The following ABHD17C variants were observed in gnomAD, a reference collection of about 807,000 sequenced individuals.
ABHD17C encodes alpha/beta hydrolase domain-containing protein 17C.
A neutral mutation model predicts 27.9 loss-of-function variants in ABHD17C; 11 were observed. The observed-to-expected ratio is 0.39, with a 90% CI of 0.25 to 0.65. ABHD17C has a LOEUF of 0.65. ABHD17C is among the 30% of genes least tolerant of loss of function. The pLI is 0.45. For missense variants in ABHD17C, 280 were observed against 470.2 expected (o/e 0.60, Z 3.74); for synonymous variants, 233 against 209.1 (o/e 1.11, Z -0.98).
chr15:80,719,076 A>C (rs1222396308), intron 1 of ABHD17C, among the ~76,000 whole-genome samples: 1 of 152,260 alleles, frequency 6.6e-6, no homozygotes, highest in East Asian at 1.9e-4. Flanking sequence ...GAGAAGACTT[A>C]GTAATAAATG....
In ABHD17C at chr15:80,720,036, G is replaced by A. The variant is rs190836526; in HGVS notation, c.590+24017G>A. Among the ~76,000 whole-genome samples the A allele has an allele frequency of 3.1e-3, 476 of 152,312 alleles. 2 individuals are homozygous for A. Among genetic ancestry groups the A allele is most frequent in the African/African-American group, 0.011 (442 of 41,554 alleles). On this transcript the variant is annotated intron_variant, in intron 1 of 2. Transcript: ENST00000258884. ...GCTAGTCTTGAACTCCTGGGCTCAA[G>A]AAGCCCTCCCACCTTAGCCTCCCAA...
chr15:80,705,363 G>GTGTGTGTGTGTGTGTGTGTGTGTGTT, intron 1 of ABHD17C, among the ~76,000 whole-genome samples: 1 of 147,446 alleles, frequency 6.8e-6, no homozygotes, highest in Non-Finnish European at 1.5e-5. Flanking sequence ...GTGTGTGTGT[G>GTGTGTGTGTGTGTGTGTGTGTGTGTT]TGTGGTTAGG....
chr15:80,724,603 G>A (rs1185414253), intron 1 of ABHD17C, among the ~76,000 whole-genome samples: 1 of 152,114 alleles, frequency 6.6e-6, no homozygotes, highest in Non-Finnish European at 1.5e-5. Flanking sequence ...ATATAAAATA[G>A]AGCCACAAAT....
At chr15:80,719,232 A>G (rs528877384) in intron 1 of ABHD17C, among the ~76,000 whole-genome samples, 1 of 152,346 alleles carries the variant, frequency 6.6e-6, no homozygotes, top group African/African-American at 2.4e-5. Flanking sequence ...AACTTTAGAC[A>G]GTTATTTGTT....
At position 80,695,320 on chromosome 15, in the gene ABHD17C, C is replaced by T. The variant is rs1596055607; in HGVS notation, c.-110C>T. On this transcript the variant is annotated 5_prime_UTR_variant, in exon 1 of 3. Transcript: ENST00000258884. The surrounding 1 kb of genome is among the most constrained non-coding windows in gnomAD (Gnocchi z 4.3). ...TGCCGCCGGGCGGGCGGGCTGCAGC[C>T]GCCCTCCGCGCTCGCCTGCCAGCTC... 1 of 668,760 alleles carries T rather than the reference C, an allele frequency of 1.5e-6. No homozygotes were observed. Among genetic ancestry groups the T allele is most frequent in the Non-Finnish European group, 1.9e-6 (1 of 519,144 alleles). 41.4% of individuals were successfully genotyped at this position (668,760 alleles called of 1,614,324 possible).
Position 80,749,496 on chromosome 15 carries a change from A to G in ABHD17C, c.591-17A>G, listed in dbSNP as rs746235475. On this transcript the variant is annotated splice_polypyrimidine_tract_variant and intron_variant, in intron 1 of 2. Coordinates refer to ENST00000258884, the MANE Select transcript of ABHD17C (RefSeq NM_021214.2). Reference sequence around the variant, plus strand: ...TTCATACCTTAGCTAATGGCATACAACCTCTGATTTCTCCAGGTATGGCGT... The same window carrying G: ...TTCATACCTTAGCTAATGGCATACAGCCTCTGATTTCTCCAGGTATGGCGT... 1.3e-5 allele frequency: 21 copies of G among 1,611,494 alleles called. No individual in the cohort carries two copies. Among genetic ancestry groups the G allele is most frequent in the Non-Finnish European group, 1.6e-5 (19 of 1,178,220 alleles).
chr15:80,714,580 C>T (rs1894777974), intron 1 of ABHD17C, among the ~76,000 whole-genome samples: 1 of 152,162 alleles, frequency 6.6e-6, no homozygotes, highest in Non-Finnish European at 1.5e-5. Context: ...GGGGGGTGGA[C>T]ATCTAGAAAA....
Position 80,695,654 on chromosome 15 carries a change from G to C in ABHD17C, c.225G>C (p.Gln75His). 7.1e-7 allele frequency: 1 copy of C among 1,400,620 alleles called. No homozygotes were observed. Among genetic ancestry groups the C allele is most frequent in the Non-Finnish European group, 9.2e-7 (1 of 1,086,838 alleles). The allele number at this position is 1,400,620 out of a possible 1,614,324, so 86.8% of individuals were successfully genotyped here. Residue 75 changes from glutamine to histidine, a missense_variant, in exon 1 of 3, where the codon CAG becomes CAC. Physicochemically the swap from Gln to His is conservative, Grantham distance 24. Around this residue, in one of 2 missense-constraint regions of ABHD17C, gnomAD observed 206 missense variants for 394.7 expected, o/e 0.52. Coordinates refer to ENST00000258884, the MANE Select transcript of ABHD17C (RefSeq NM_021214.2). This position sits in a 1 kb window ranked among gnomAD's most constrained non-coding sequence, Gnocchi z 4.3. ...AAAAAQPAPQ[Q>H]PEEGAGAGPG... ...CCGCGGCCCAGCCGGCACCGCAGCA[G>C]CCCGAGGAGGGCGCGGGCGCGGGGC...
intron 1 of ABHD17C, among the ~76,000 whole-genome samples, chr15:80,725,002 G>C (rs1894952784): frequency 6.6e-6 from 1 of 152,166 alleles, no homozygotes; most frequent in East Asian, 1.9e-4. Context: ...AACCACTGTT[G>C]TTATGTTTTT....
In ABHD17C at chr15:80,696,147, C is replaced by T. The variant is rs1894492358; in HGVS notation, c.590+128C>T. The T allele has an allele frequency of 4.0e-6, 4 of 991,356 alleles. No individual in the cohort carries two copies. The East Asian group carries it at 1.1e-4, about 26-fold the overall frequency. 61.4% of individuals were successfully genotyped at this position (991,356 alleles called of 1,614,324 possible). On this transcript the variant is annotated intron_variant, in intron 1 of 2. Coordinates refer to ENST00000258884, the MANE Select transcript of ABHD17C (RefSeq NM_021214.2). ...TCCGGGGCTGAGGGCCAGCGGAGAG[C>T]CCCTTGGCCGCCGTAAATTCGCTTT...
chr15:80,723,592 TAC>T (rs1349359493), intron 1 of ABHD17C, among the ~76,000 whole-genome samples: 2 of 152,236 alleles, frequency 1.3e-5, no homozygotes, highest in South Asian at 2.1e-4. Flanking sequence ...ACTCAGCTAG[TAC>T]ACACTAAATG....
At chr15:80,752,379 T>G (rs1473149273) in intron 2 of ABHD17C, among the ~76,000 whole-genome samples, 3 of 152,212 alleles carry the variant, frequency 2.0e-5, no homozygotes, top group Admixed American at 6.6e-5. Context: ...CGCGGCTTCC[T>G]GAGTTTTTAA....
Position 80,745,420 on chromosome 15 carries a change from G to A in ABHD17C, c.591-4093G>A, listed in dbSNP as rs904274060. On this transcript the variant is annotated intron_variant, in intron 1 of 2. Coordinates refer to ENST00000258884, the MANE Select transcript of ABHD17C (RefSeq NM_021214.2). ...TTTTTTTTTTAAGAGGGTCACCCAG[G>A]CTGGAGTACAGTGGCATGAACACTG... Among the ~76,000 whole-genome samples the A allele has an allele frequency of 1.1e-4, 17 of 151,760 alleles. 1 individual carries two copies. Among genetic ancestry groups the A allele is most frequent in the Middle Eastern group, 3.4e-3 (1 of 292 alleles).
At chr15:80,724,537 T>TA (rs1279238887) in intron 1 of ABHD17C, among the ~76,000 whole-genome samples, 4 of 145,716 alleles carry the variant, frequency 2.7e-5, no homozygotes, top group African/African-American at 1.0e-4. Flanking sequence ...GAATGATGTA[T>TA]AAAATATTAA....
At chr15:80,740,516 G>A (rs762470488) in intron 1 of ABHD17C, among the ~76,000 whole-genome samples, 4 of 152,126 alleles carry the variant, frequency 2.6e-5, no homozygotes, top group Non-Finnish European at 5.9e-5. Flanking sequence ...GGATGGTCAA[G>A]AGGTCAAAGG....
intron 1 of ABHD17C, among the ~76,000 whole-genome samples, chr15:80,717,480 G>A (rs1392968638): frequency 1.3e-5 from 2 of 150,802 alleles, no homozygotes; most frequent in Non-Finnish European, 2.9e-5. Flanking sequence ...TGCAACCTCT[G>A]CTTCCCAGTT....
At chr15:80,736,110 T>C (rs191290120) in intron 1 of ABHD17C, among the ~76,000 whole-genome samples, 52 of 152,352 alleles carry the variant, frequency 3.4e-4, no homozygotes, top group Middle Eastern at 3.4e-3. Context: ...CAGCAGACAT[T>C]ACTAACCTTT....
intron 1 of ABHD17C, among the ~76,000 whole-genome samples, chr15:80,713,137 G>GCTCT (rs750009081): frequency 2.0e-5 from 3 of 151,086 alleles, no homozygotes; most frequent in Non-Finnish European, 4.4e-5. Flanking sequence ...ACAAATCATA[G>GCTCT]CTCTCTTAAC....
In ABHD17C at chr15:80,695,323, C is replaced by T. The variant is rs1394243688; in HGVS notation, c.-107C>T. 2 of 706,870 alleles carry T rather than the reference C, an allele frequency of 2.8e-6. No individual in the cohort carries two copies. Among genetic ancestry groups the T allele is most frequent in the African/African-American group, 1.9e-5 (1 of 51,580 alleles). The allele number at this position is 706,870 out of a possible 1,614,324, so 43.8% of individuals were successfully genotyped here. ...CGCCGGGCGGGCGGGCTGCAGCCGC[C>T]CTCCGCGCTCGCCTGCCAGCTCCCT... is the stretch of plus-strand genomic sequence containing the variant. On this transcript the variant is annotated 5_prime_UTR_variant, in exon 1 of 3. Transcript: ENST00000258884. The surrounding 1 kb of genome is among the most constrained non-coding windows in gnomAD (Gnocchi z 4.3).
Sources: gnomAD v4.1 joint callset for allele counts (sites outside exome capture counted in the v4.1 genomes callset) on GRCh38, gnomAD v4.1.1 for gene constraint, gnomAD v4.1.1 regional missense constraint, Gnocchi (gnomAD v3.1) non-coding constraint, MANE v1.5 for transcripts, NCBI Gene and HGNC (gene_info 2026-07-23, HGNC 2026-07-21) for gene names.